Variants in PALM2AKAP2 observed in about 807,000 individuals in gnomAD.
The protein encoded by PALM2AKAP2 is PALM2 and AKAP2 fusion.
Under a neutral mutation model 71.5 loss-of-function variants are expected in PALM2AKAP2, and 37 were observed. The ratio of observed to expected loss-of-function variants is 0.52; its 90% confidence interval spans 0.40 to 0.68. PALM2AKAP2 has a LOEUF of 0.68. Among genes scored for constraint, PALM2AKAP2 ranks in the 30% least tolerant of loss-of-function variants. PALM2AKAP2 has a pLI of 0.00. For synonymous variants in PALM2AKAP2, 468 were observed against 478.8 expected (o/e 0.98, Z 0.29); for missense variants, 1,224 against 1,191.8 (o/e 1.03, Z -0.40).
intron 5 of PALM2AKAP2, among the ~76,000 whole-genome samples, chr9:109,929,921 A>T (rs1285510219): frequency 6.6e-6 from 1 of 151,004 alleles, no homozygotes; most frequent in Non-Finnish European, 1.5e-5. Flanking sequence ...TTCAACATGG[A>T]GAATAATGCA....
intron 1 of PALM2AKAP2, among the ~76,000 whole-genome samples, chr9:109,670,923 A>C (rs925810125): frequency 6.6e-6 from 1 of 152,174 alleles, no homozygotes; most frequent in Non-Finnish European, 1.5e-5. Flanking sequence ...TCTTCTTTTG[A>C]AAAATGTCTG....
intron 2 of PALM2AKAP2, among the ~76,000 whole-genome samples, chr9:109,871,748 T>C (rs1346822614): frequency 6.6e-6 from 1 of 152,168 alleles, no homozygotes; most frequent in East Asian, 1.9e-4. Flanking sequence ...TTTATGTGGG[T>C]TCTTTTTAAT....
chr9:109,825,409 T>C (rs1046648253), intron 1 of PALM2AKAP2, among the ~76,000 whole-genome samples: 21 of 152,166 alleles, frequency 1.4e-4, no homozygotes, highest in Non-Finnish European at 2.5e-4. Flanking sequence ...AAGAAACTAC[T>C]ATCAGAGTGA....
chr9:109,998,178 T>C (rs777874559), intron 6 of PALM2AKAP2, among the ~76,000 whole-genome samples: 1 of 152,140 alleles, frequency 6.6e-6, no homozygotes, highest in African/African-American at 2.4e-5. Flanking sequence ...GCCTATAAAA[T>C]GGGGTTGATA....
At chr9:110,038,350 A>G (rs1833450470) in intron 7 of PALM2AKAP2, among the ~76,000 whole-genome samples, 1 of 151,966 alleles carries the variant, frequency 6.6e-6, no homozygotes, top group African/African-American at 2.4e-5. Context: ...ACAAACAAAC[A>G]AACAAACAAA....
chr9:110,084,075 A>G (rs150208961), intron 1 of PALM2AKAP2, among the ~76,000 whole-genome samples: 12 of 152,336 alleles, frequency 7.9e-5, no homozygotes, highest in African/African-American at 2.4e-4. Context: ...TGTAAGGTGG[A>G]GTTGATAGAA....
chr9:109,706,284 G>A (rs899464865), intron 1 of PALM2AKAP2, among the ~76,000 whole-genome samples: 2 of 151,966 alleles, frequency 1.3e-5, no homozygotes, highest in African/African-American at 2.4e-5. Flanking sequence ...GATGATGATG[G>A]TAGCTAGCTG....
At chr9:109,754,154 A>T (rs2118717862) in intron 1 of PALM2AKAP2, among the ~76,000 whole-genome samples, 1 of 152,300 alleles carries the variant, frequency 6.6e-6, no homozygotes, top group East Asian at 1.9e-4. Context: ...CATGAAAGAT[A>T]AAACAGAAAA....
intron 1 of PALM2AKAP2, among the ~76,000 whole-genome samples, chr9:109,684,133 GT>G (rs1462155062): frequency 6.6e-6 from 1 of 152,118 alleles, no homozygotes; most frequent in African/African-American, 2.4e-5. Flanking sequence ...CATATGTGCT[GT>G]TGCTTGTGGT....
chr9:109,961,870 A>C (rs1831858153), intron 6 of PALM2AKAP2, among the ~76,000 whole-genome samples: 1 of 152,182 alleles, frequency 6.6e-6, no homozygotes, highest in Admixed American at 6.5e-5. Flanking sequence ...TGTGGGTACT[A>C]ATGAAAAGGA....
intron 1 of PALM2AKAP2, among the ~76,000 whole-genome samples, chr9:110,072,086 C>T (rs1834218892): frequency 6.6e-6 from 1 of 152,126 alleles, no homozygotes; most frequent in Non-Finnish European, 1.5e-5. Flanking sequence ...CAGTATAACC[C>T]TAAACCTATT....
chr9:109,918,170 C>T (rs760038233), intron 3 of PALM2AKAP2, among the ~76,000 whole-genome samples: 4 of 152,202 alleles, frequency 2.6e-5, no homozygotes, highest in Admixed American at 6.5e-5. Context: ...ATTTATTTCT[C>T]CATCCCCAGT....
chr9:110,168,363 A>G, intron 3 of PALM2AKAP2, 36 bp from the exon 11 acceptor site: 5 of 1,608,412 alleles, frequency 3.1e-6, no homozygotes, highest in African/African-American at 1.3e-5. Flanking sequence ...ATTAACATCC[A>G]TGAACTCTGC....
intron 3 of PALM2AKAP2, among the ~76,000 whole-genome samples, chr9:109,881,150 C>T (rs1792232992): frequency 1.3e-5 from 2 of 152,114 alleles, no homozygotes; most frequent in African/African-American, 4.8e-5. Context: ...GTTTTCTGTT[C>T]CTGTGTTAGT....
intron 1 of PALM2AKAP2, among the ~76,000 whole-genome samples, chr9:109,653,476 C>T (rs754930866): frequency 6.6e-6 from 1 of 152,166 alleles, no homozygotes; most frequent in Non-Finnish European, 1.5e-5. Flanking sequence ...TTTTGAAGTC[C>T]TCCATCCTTT....
intron 1 of PALM2AKAP2, among the ~76,000 whole-genome samples, chr9:109,843,777 G>A (rs1356265913): frequency 2.6e-5 from 4 of 152,120 alleles, no homozygotes; most frequent in East Asian, 3.8e-4. Flanking sequence ...GCACTACCTC[G>A]GCCTGGCCCC....
rs548770243 is a variant in PALM2AKAP2, at chr9:110,164,952, A to G, written c.2749-3447A>G. ...CCTTACAGCCATTGGGCAGCCAGATAGTCTGGTGGCCTCAAGCATCAACTC... is the reference window on the plus strand; with the variant it reads ...CCTTACAGCCATTGGGCAGCCAGATGGTCTGGTGGCCTCAAGCATCAACTC... On this transcript the variant is annotated intron_variant, in intron 3 of 3. Coordinates refer to ENST00000374525, the Ensembl canonical transcript of PALM2AKAP2. Among the ~76,000 whole-genome samples the G allele has an allele frequency of 6.6e-5, 10 of 152,252 alleles. No individual in the cohort carries two copies. The South Asian group carries it at 2.1e-3, about 32-fold the overall frequency.
At chr9:110,163,559 T>G (rs1250547069) in intron 3 of PALM2AKAP2, among the ~76,000 whole-genome samples, 1 of 152,256 alleles carries the variant, frequency 6.6e-6, no homozygotes, top group Non-Finnish European at 1.5e-5. Context: ...GGTTTTATAC[T>G]TATACTACAA....
intron 1 of PALM2AKAP2, among the ~76,000 whole-genome samples, chr9:110,050,812 G>C (rs1833695979): frequency 6.6e-6 from 1 of 151,970 alleles, no homozygotes; most frequent in Non-Finnish European, 1.5e-5. Context: ...ATTTTTAGTA[G>C]AGATGGGGTT....
Sources: allele counts gnomAD v4.1 joint callset (sites outside exome capture counted in the v4.1 genomes callset), GRCh38; gene constraint gnomAD v4.1.1; transcripts MANE v1.5; gene names NCBI Gene and HGNC (gene_info 2026-07-23, HGNC 2026-07-21).